SCARA5: variants seen among roughly 807,000 people sequenced by gnomAD.
SCARA5 encodes the protein scavenger receptor class A, member 5 (putative).
A neutral mutation model predicts 46.3 loss-of-function variants in SCARA5; 45 were observed. The observed-to-expected ratio is 0.97, with a 90% CI of 0.76 to 1.24. The LOEUF (loss-of-function observed/expected upper bound fraction) is 1.24. Ranked by LOEUF, SCARA5 falls within the 50% of genes most tolerant of loss-of-function variation. The probability of loss-of-function intolerance (pLI) is 0.00; values close to 1 mark genes in which losing one functional copy is unlikely to be tolerated. For missense variants in SCARA5, 680 were observed against 689.0 expected, an observed-to-expected ratio of 0.99 and a Z score of 0.15; for synonymous variants, 333 against 306.5, an observed-to-expected ratio of 1.09 and a Z score of -0.90.
At chr8:27,973,780 G>A (rs750874669) in intron 2 of SCARA5, among the ~76,000 whole-genome samples, 3 of 152,124 alleles carry the variant, frequency 2.0e-5, no homozygotes, top group Non-Finnish European at 4.4e-5. Context: ...ACACATTCTT[G>A]GAAAGCATAT....
Position 27,871,611 on chromosome 8 carries a change from G to A in SCARA5, c.*323C>T. 1 of 1,199,632 alleles carries A rather than the reference G, an allele frequency of 8.3e-7. No individual in the cohort carries two copies. Among genetic ancestry groups the A allele is most frequent in the Non-Finnish European group, 1.0e-6 (1 of 958,892 alleles). 74.3% of individuals were successfully genotyped at this position (1,199,632 alleles called of 1,614,324 possible). On this transcript the variant is annotated 3_prime_UTR_variant, in exon 9 of 9. Coordinates refer to ENST00000354914, the MANE Select transcript of SCARA5 (RefSeq NM_173833.6). ...CTCAGCATTCACCTGTAACTAAAAG[G>A]CCAAAGGGAACTGGGATATTGAGGC...
At chr8:27,990,141 T>C (rs970464623) in intron 1 of SCARA5, among the ~76,000 whole-genome samples, 10 of 152,102 alleles carry the variant, frequency 6.6e-5, no homozygotes, top group African/African-American at 2.2e-4. Flanking sequence ...AGAATGTGTG[T>C]GAAGGGCAGC....
At chr8:27,989,103 CT>C (rs1156373975) in intron 1 of SCARA5, among the ~76,000 whole-genome samples, 2,838 of 101,710 alleles carry the variant, frequency 0.028, 81 homozygotes, top group African/African-American at 0.093. Flanking sequence ...TTTCTTTCTT[CT>C]TTTTTTTTTT....
At chr8:27,922,351 A>G in intron 3 of SCARA5, 106 bp from the exon 4 acceptor site, 3 of 674,550 alleles carry the variant, frequency 4.4e-6, no homozygotes, top group Non-Finnish European at 6.9e-6. Flanking sequence ...TGCTCAATAA[A>G]TGATAGACGA....
chr8:27,904,447 T>TA, intron 7 of SCARA5: 1 of 493,778 alleles, frequency 2.0e-6, no homozygotes, highest in East Asian at 2.9e-5. Flanking sequence ...CCTTATAAGG[T>TA]AAAGACTCCT....
intron 7 of SCARA5, chr8:27,886,139 A>C (rs1382218849): frequency 6.5e-6 from 1 of 152,982 alleles, no homozygotes; most frequent in Non-Finnish European, 1.5e-5. Context: ...GCGAGGCTGC[A>C]CAAGGCACCA....
intron 2 of SCARA5, among the ~76,000 whole-genome samples, chr8:27,977,645 C>T (rs1808546677): frequency 6.6e-6 from 1 of 152,196 alleles, no homozygotes. Flanking sequence ...CCCTAAAAAC[C>T]CCCAGCACTT....
At chr8:27,909,401 C>G (rs1216236026) in intron 5 of SCARA5, among the ~76,000 whole-genome samples, 1 of 152,160 alleles carries the variant, frequency 6.6e-6, no homozygotes, top group Non-Finnish European at 1.5e-5. Flanking sequence ...ACCCTGGCTC[C>G]TGGGCTGGGA....
intron 7 of SCARA5, among the ~76,000 whole-genome samples, chr8:27,895,156 T>C (rs531722350): frequency 1.3e-5 from 2 of 152,126 alleles, no homozygotes; most frequent in African/African-American, 4.8e-5. Context: ...AGAATAGAAA[T>C]AAACACATGG....
At chr8:27,982,732 G>A (rs1039045191) in intron 2 of SCARA5, among the ~76,000 whole-genome samples, 11 of 152,158 alleles carry the variant, frequency 7.2e-5, no homozygotes, top group African/African-American at 2.2e-4. Context: ...GGGTACCTGC[G>A]GGGCCTTGAA....
intron 4 of SCARA5, among the ~76,000 whole-genome samples, chr8:27,915,723 C>A (rs1162200080): frequency 1.3e-5 from 2 of 152,188 alleles, no homozygotes; most frequent in African/African-American, 4.8e-5. Flanking sequence ...TTGTCCCAGC[C>A]AGGTCACTGG....
chr8:27,907,073 T>C, intron 6 of SCARA5, 75 bp downstream of exon 6: 2 of 1,018,026 alleles, frequency 2.0e-6, no homozygotes, highest in Non-Finnish European at 3.0e-6. Flanking sequence ...ATAAGAGTCC[T>C]GGTCCCCCAT....
At chr8:27,875,884 C>T (rs1319443622) in intron 8 of SCARA5, among the ~76,000 whole-genome samples, 1 of 152,076 alleles carries the variant, frequency 6.6e-6, no homozygotes, top group Non-Finnish European at 1.5e-5. Context: ...GCCTGTGGTC[C>T]CAGCTACTCA....
chr8:27,923,093 C>A (rs1384725786), intron 3 of SCARA5, among the ~76,000 whole-genome samples: 1 of 152,238 alleles, frequency 6.6e-6, no homozygotes, highest in African/African-American at 2.4e-5. Flanking sequence ...CCTTTCAGAG[C>A]TATTAGCATT....
At chr8:27,938,908 C>G (rs4732614) in intron 3 of SCARA5, among the ~76,000 whole-genome samples, 1 of 152,116 alleles carries the variant, frequency 6.6e-6, no homozygotes, top group Non-Finnish European at 1.5e-5. Flanking sequence ...AATAAGTGGT[C>G]TAAACTTTAT....
At chr8:27,876,968 C>T (rs932070956) in intron 8 of SCARA5, among the ~76,000 whole-genome samples, 2 of 152,122 alleles carry the variant, frequency 1.3e-5, no homozygotes, top group Non-Finnish European at 2.9e-5. Flanking sequence ...ACAGCTTTCC[C>T]TCCTCTCGGC....
intron 3 of SCARA5, among the ~76,000 whole-genome samples, chr8:27,948,862 C>T (rs1019580518): frequency 3.3e-5 from 5 of 152,218 alleles, no homozygotes; most frequent in Admixed American, 6.5e-5. Context: ...AGAGTTCATG[C>T]GTTTTGCTTT....
At chr8:27,898,418 G>T (rs1807098444) in intron 7 of SCARA5, among the ~76,000 whole-genome samples, 1 of 152,188 alleles carries the variant, frequency 6.6e-6, no homozygotes, top group Non-Finnish European at 1.5e-5. Context: ...GGCCGGAGAG[G>T]CTAAGCGACT....
intron 7 of SCARA5, among the ~76,000 whole-genome samples, chr8:27,897,472 G>A (rs568413209): frequency 2.0e-5 from 3 of 152,346 alleles, no homozygotes; most frequent in South Asian, 4.1e-4. Flanking sequence ...AGATCCCAGC[G>A]TCATTTCTTT....
Sources: allele counts gnomAD v4.1 joint callset (sites outside exome capture counted in the v4.1 genomes callset), GRCh38; gene constraint gnomAD v4.1.1; transcripts MANE v1.5; gene names NCBI Gene and HGNC (gene_info 2026-07-23, HGNC 2026-07-21).